Variants in GALNT13 observed in about 807,000 individuals in gnomAD.
The protein encoded by GALNT13 is UDP-GalNAc:polypeptide N-acetylgalactosaminyltransferase 13.
A neutral mutation model predicts 64.2 loss-of-function variants in GALNT13; 28 were observed. The ratio of observed to expected loss-of-function variants is 0.44; its 90% CI spans 0.32 to 0.60. The LOEUF is 0.60. Among genes scored for constraint, GALNT13 ranks in the 20% least tolerant of loss-of-function variants. The pLI, the probability that GALNT13 is intolerant of heterozygous loss-of-function variation, is 0.05. For synonymous variants in GALNT13, 214 were observed against 224.6 expected (o/e 0.95, Z 0.42); for missense variants, 577 against 669.8 (o/e 0.86, Z 1.53).
intron 1 of GALNT13, among the ~76,000 whole-genome samples, chr2:153,880,244 G>T (rs55669623): frequency 0.053 from 8,004 of 152,082 alleles, 297 homozygotes; most frequent in South Asian, 0.1. Context: ...TGGAATATTT[G>T]TAATTTATAA....
chr2:153,825,333 A>G, the GALNT13 span, among the ~76,000 whole-genome samples: 1 of 152,212 alleles, frequency 6.6e-6, no homozygotes, highest in Admixed American at 6.5e-5. Flanking sequence ...ACCAGTTTTA[A>G]AGGGAATATA....
the GALNT13 span, among the ~76,000 whole-genome samples, chr2:153,466,995 A>G: frequency 6.6e-5 from 10 of 152,068 alleles, no homozygotes; most frequent in Non-Finnish European, 1.0e-4. Flanking sequence ...TAACTTTGCA[A>G]GCACAGGTAG....
chr2:154,445,463 T>A (rs865934480), intron 12 of GALNT13, among the ~76,000 whole-genome samples: 1 of 150,952 alleles, frequency 6.6e-6, no homozygotes, highest in Non-Finnish European at 1.5e-5. Context: ...TCACTGAGAG[T>A]AGAGGATGAT....
chr2:153,692,428 A>G, the GALNT13 span, among the ~76,000 whole-genome samples: 2 of 152,204 alleles, frequency 1.3e-5, no homozygotes, highest in South Asian at 4.1e-4. Flanking sequence ...TGAAAGATAC[A>G]TATATGTGAT....
chr2:153,581,770 C>T, the GALNT13 span, among the ~76,000 whole-genome samples: 2 of 151,982 alleles, frequency 1.3e-5, no homozygotes, highest in African/African-American at 4.8e-5. Flanking sequence ...TTAAGCATGC[C>T]AAAGACCTGG....
At chr2:153,584,636 A>G in the GALNT13 span, among the ~76,000 whole-genome samples, 3 of 152,196 alleles carry the variant, frequency 2.0e-5, no homozygotes, top group Non-Finnish European at 2.9e-5. Flanking sequence ...AGAGGCCCAC[A>G]TATTGGCTTG....
At chr2:154,093,331 G>T (rs999907387) in intron 3 of GALNT13, among the ~76,000 whole-genome samples, 2 of 151,950 alleles carry the variant, frequency 1.3e-5, no homozygotes, top group Admixed American at 1.3e-4. Context: ...TCAAACATAT[G>T]ATTAATGTTT....
the GALNT13 span, among the ~76,000 whole-genome samples, chr2:153,769,478 C>T: frequency 6.6e-6 from 1 of 151,736 alleles, no homozygotes; most frequent in Non-Finnish European, 1.5e-5. Flanking sequence ...ATTTCCTTTA[C>T]AGATGATGCT....
At chr2:154,197,245 A>G (rs1168895312) in intron 4 of GALNT13, among the ~76,000 whole-genome samples, 1 of 152,138 alleles carries the variant, frequency 6.6e-6, no homozygotes, top group Non-Finnish European at 1.5e-5. Flanking sequence ...AAAGAAAGAA[A>G]TGTCTCTTAA....
the GALNT13 span, chr2:153,421,083 T>C: frequency 4.1e-6 from 1 of 245,464 alleles, no homozygotes; most frequent in Admixed American, 4.6e-5. Context: ...GTAAGCCATG[T>C]ATTTACCATA....
the GALNT13 span, among the ~76,000 whole-genome samples, chr2:153,729,068 A>T: frequency 6.6e-6 from 1 of 152,176 alleles, no homozygotes; most frequent in Non-Finnish European, 1.5e-5. Flanking sequence ...TACAAAGAAG[A>T]GCTGGTACCA....
chr2:153,943,599 A>G (rs1691501089), intron 2 of GALNT13, among the ~76,000 whole-genome samples: 1 of 151,798 alleles, frequency 6.6e-6, no homozygotes, highest in Non-Finnish European at 1.5e-5. Context: ...GGTTCAAGTG[A>G]TTCTCCTGCC....
intron 4 of GALNT13, among the ~76,000 whole-genome samples, chr2:154,213,006 A>C (rs1015977055): frequency 2.0e-5 from 3 of 152,214 alleles, no homozygotes; most frequent in African/African-American, 7.2e-5. Flanking sequence ...TAGTGTTTGA[A>C]GATCACTTTT....
At chr2:153,874,419 A>T (rs1347660241) in intron 1 of GALNT13, among the ~76,000 whole-genome samples, 1 of 151,966 alleles carries the variant, frequency 6.6e-6, no homozygotes, top group Non-Finnish European at 1.5e-5. Flanking sequence ...TTGCTTAAGT[A>T]GGGGCACTGT....
At chr2:153,248,731 G>A in the GALNT13 span, among the ~76,000 whole-genome samples, 7 of 151,222 alleles carry the variant, frequency 4.6e-5, no homozygotes, top group Non-Finnish European at 7.4e-5. Flanking sequence ...CAGGATAATG[G>A]CGTGAACCCA....
chr2:153,223,387 C>A, the GALNT13 span, among the ~76,000 whole-genome samples: 1 of 152,180 alleles, frequency 6.6e-6, no homozygotes, highest in African/African-American at 2.4e-5. Flanking sequence ...TTTTCTCAGG[C>A]TCTCATAGAA....
At chr2:154,114,786 G>T (rs1387951706) in intron 3 of GALNT13, among the ~76,000 whole-genome samples, 2 of 152,100 alleles carry the variant, frequency 1.3e-5, no homozygotes, top group Non-Finnish European at 2.9e-5. Context: ...TTAATTCTAG[G>T]AACACTGTGA....
At chr2:154,402,118 A>T (rs2105375363) in intron 10 of GALNT13, among the ~76,000 whole-genome samples, 1 of 152,328 alleles carries the variant, frequency 6.6e-6, no homozygotes, top group Non-Finnish European at 1.5e-5. Context: ...ATAAAAAATA[A>T]TATGCAATTG....
At chr2:153,240,415 A>G in the GALNT13 span, among the ~76,000 whole-genome samples, 1 of 152,044 alleles carries the variant, frequency 6.6e-6, no homozygotes, top group Non-Finnish European at 1.5e-5. Flanking sequence ...GGTGGTTACA[A>G]ATTTGGGGCT....
Sources: gnomAD v4.1 joint callset for allele counts (sites outside exome capture counted in the v4.1 genomes callset) on GRCh38, gnomAD v4.1.1 for gene constraint, MANE v1.5 for transcripts, NCBI Gene and HGNC (gene_info 2026-07-23, HGNC 2026-07-21) for gene names.